LRMDA: variants seen among roughly 807,000 people sequenced by gnomAD.
LRMDA encodes leucine rich melanocyte differentiation associated.
Under a neutral mutation model 29.8 loss-of-function variants are expected in LRMDA, and 18 were observed. The observed-to-expected ratio is 0.60, with a 90% CI of 0.42 to 0.90. The LOEUF is 0.90. Among genes scored for constraint, LRMDA ranks in the 40% least tolerant of loss-of-function variants. LRMDA has a pLI of 0.00. For missense variants in LRMDA, 273 were observed against 273.9 expected, an observed-to-expected ratio of 1.00 and a Z score of 0.02; for synonymous variants, 125 against 109.4, an observed-to-expected ratio of 1.14 and a Z score of -0.89.
At chr10:76,118,017 A>ATGG (rs1419561991) in intron 5 of LRMDA, among the ~76,000 whole-genome samples, 2 of 152,168 alleles carry the variant, frequency 1.3e-5, no homozygotes, top group Non-Finnish European at 2.9e-5. Context: ...ACACTGCTTT[A>ATGG]TGGTAGAGAC....
chr10:75,604,119 T>G (rs1015964252), intron 2 of LRMDA, among the ~76,000 whole-genome samples: 1 of 152,196 alleles, frequency 6.6e-6, no homozygotes, highest in Non-Finnish European at 1.5e-5. Flanking sequence ...GCCTTTAATC[T>G]TAAAATTCAA....
At chr10:76,217,535 T>C (rs1851750378) in intron 5 of LRMDA, among the ~76,000 whole-genome samples, 1 of 152,088 alleles carries the variant, frequency 6.6e-6, no homozygotes, top group Admixed American at 6.5e-5. Flanking sequence ...AGAATATTAG[T>C]GCTAGGGGGA....
chr10:75,758,204 G>A (rs1564560167), intron 2 of LRMDA, among the ~76,000 whole-genome samples: 1 of 152,230 alleles, frequency 6.6e-6, no homozygotes, highest in South Asian at 2.1e-4. Flanking sequence ...GGGGGGTGAC[G>A]GGAGTGCCGC....
intron 2 of LRMDA, among the ~76,000 whole-genome samples, chr10:75,636,794 C>G (rs1399199710): frequency 2.0e-5 from 3 of 152,040 alleles, no homozygotes; most frequent in African/African-American, 7.2e-5. Flanking sequence ...TGGAGTCCAC[C>G]TGGGGCCGGG....
chr10:75,589,579 T>G (rs1840695949), intron 2 of LRMDA, among the ~76,000 whole-genome samples: 1 of 151,804 alleles, frequency 6.6e-6, no homozygotes, highest in Non-Finnish European at 1.5e-5. Flanking sequence ...ATGGTGAAAC[T>G]CCCATCTCTA....
At chr10:75,785,022 A>C (rs1388742865) in intron 2 of LRMDA, among the ~76,000 whole-genome samples, 2 of 152,204 alleles carry the variant, frequency 1.3e-5, no homozygotes, top group African/African-American at 2.4e-5. Context: ...GGTAAAGTCC[A>C]CGTCAATCGC....
intron 2 of LRMDA, among the ~76,000 whole-genome samples, chr10:75,535,552 G>A (rs994544605): frequency 4.6e-5 from 7 of 152,004 alleles, no homozygotes; most frequent in Non-Finnish European, 8.8e-5. Context: ...TCTGTTCCTA[G>A]TGCATTTTGG....
intron 5 of LRMDA, among the ~76,000 whole-genome samples, chr10:76,092,114 T>C (rs894011490): frequency 6.6e-6 from 1 of 152,204 alleles, no homozygotes; most frequent in South Asian, 2.1e-4. Flanking sequence ...TGCAAATGGT[T>C]GAGGGTCATT....
chr10:75,462,585 A>G (rs951859109), intron 2 of LRMDA, among the ~76,000 whole-genome samples: 2 of 152,202 alleles, frequency 1.3e-5, no homozygotes, highest in African/African-American at 2.4e-5. Flanking sequence ...GGATCCGGGA[A>G]TTGGGGCTGG....
At chr10:75,908,542 T>C (rs1845795501) in intron 2 of LRMDA, among the ~76,000 whole-genome samples, 1 of 152,226 alleles carries the variant, frequency 6.6e-6, no homozygotes, top group Non-Finnish European at 1.5e-5. Flanking sequence ...GGGACTCATA[T>C]ACACATTTCT....
At chr10:75,433,927 G>A (rs1318212791) in intron 1 of LRMDA, among the ~76,000 whole-genome samples, 1 of 152,148 alleles carries the variant, frequency 6.6e-6, no homozygotes, top group Non-Finnish European at 1.5e-5. Flanking sequence ...GCCACTATGG[G>A]TTGACTGCTG....
chr10:75,566,665 C>T (rs751889788), intron 2 of LRMDA, among the ~76,000 whole-genome samples: 12 of 152,062 alleles, frequency 7.9e-5, no homozygotes, highest in Non-Finnish European at 1.3e-4. Context: ...GTTTGCTGGC[C>T]ATTTCTTCCC....
At chr10:75,461,482 T>G (rs949887261) in intron 2 of LRMDA, among the ~76,000 whole-genome samples, 5 of 152,170 alleles carry the variant, frequency 3.3e-5, no homozygotes, top group Admixed American at 2.0e-4. Context: ...ACCTGCCTGC[T>G]TCTGCTGTTT....
At chr10:76,035,987 C>A in intron 2 of LRMDA, 21 bp from the exon 3 acceptor site, 1 of 1,610,796 alleles carries the variant, frequency 6.2e-7, no homozygotes, top group Non-Finnish European at 8.5e-7. Context: ...ATCATTTTTC[C>A]TGTTGCCTTT....
chr10:75,912,673 T>A (rs943348817), intron 2 of LRMDA, among the ~76,000 whole-genome samples: 1 of 152,158 alleles, frequency 6.6e-6, no homozygotes, highest in Non-Finnish European at 1.5e-5. Flanking sequence ...AGAGTTCTAC[T>A]TATTGATGGT....
At chr10:75,559,742 T>C (rs1840266579) in intron 2 of LRMDA, among the ~76,000 whole-genome samples, 1 of 141,974 alleles carries the variant, frequency 7.0e-6, no homozygotes, top group Non-Finnish European at 1.6e-5. Flanking sequence ...GTTTCAGCTT[T>C]CTATATATGG....
intron 6 of LRMDA, among the ~76,000 whole-genome samples, chr10:76,354,165 C>T (rs1841211803): frequency 6.6e-6 from 1 of 152,090 alleles, no homozygotes; most frequent in African/African-American, 2.4e-5. Flanking sequence ...ACATATGGCT[C>T]AGGGTATAAT....
At chr10:75,992,553 A>T (rs143439118) in intron 2 of LRMDA, among the ~76,000 whole-genome samples, 1 of 152,210 alleles carries the variant, frequency 6.6e-6, no homozygotes, top group Non-Finnish European at 1.5e-5. Flanking sequence ...TCTGGTGAGC[A>T]TGTCTGCCAT....
chr10:76,254,408 G>T (rs796093142), intron 5 of LRMDA, among the ~76,000 whole-genome samples: 1 of 145,138 alleles, frequency 6.9e-6, no homozygotes, highest in Non-Finnish European at 1.5e-5. Flanking sequence ...GCTATGCTAT[G>T]CTATGCTATA....
Sources: allele counts gnomAD v4.1 joint callset (sites outside exome capture counted in the v4.1 genomes callset), GRCh38; gene constraint gnomAD v4.1.1; transcripts MANE v1.5; gene names NCBI Gene and HGNC (gene_info 2026-07-23, HGNC 2026-07-21).